LDLRAD4: variants seen among roughly 807,000 people sequenced by gnomAD.
LDLRAD4 encodes the protein low-density lipoprotein receptor class A domain-containing protein 4.
LDLRAD4 carries 5 observed loss-of-function variants against 17.0 expected under a neutral mutation model. The observed-to-expected ratio is 0.29, with a 90% confidence interval of 0.15 to 0.62. The LOEUF (loss-of-function observed/expected upper bound fraction) is 0.62. LDLRAD4 is among the 20% of genes least tolerant of loss of function. The probability of loss-of-function intolerance (pLI) is 0.84; values close to 1 mark genes in which losing one functional copy is unlikely to be tolerated. For missense variants in LDLRAD4, 340 were observed against 424.7 expected (o/e 0.80, Z 1.75); for synonymous variants, 168 against 171.8 (o/e 0.98, Z 0.17).
At chr18:13,598,856 T>G (rs796124195) in intron 3 of LDLRAD4, among the ~76,000 whole-genome samples, 6 of 152,290 alleles carry the variant, frequency 3.9e-5, no homozygotes, top group African/African-American at 1.4e-4. Context: ...CTCCTCAACT[T>G]TATGGGCAGG....
chr18:13,246,970 A>G (rs1171306755), intron 1 of LDLRAD4, among the ~76,000 whole-genome samples: 3 of 151,886 alleles, frequency 2.0e-5, no homozygotes, highest in African/African-American at 4.8e-5. Flanking sequence ...TTCCTAATAG[A>G]ACATGAGTAT....
intron 1 of LDLRAD4, among the ~76,000 whole-genome samples, chr18:13,265,119 C>G (rs187414274): frequency 6.6e-6 from 1 of 152,160 alleles, no homozygotes. Context: ...CCTTTCCTCC[C>G]GCTGTGGTCA....
At chr18:13,288,479 C>G (rs1474800520) in intron 1 of LDLRAD4, among the ~76,000 whole-genome samples, 1 of 152,178 alleles carries the variant, frequency 6.6e-6, no homozygotes, top group African/African-American at 2.4e-5. Flanking sequence ...TTGGCTATTT[C>G]AAGTTAAAAT....
At chr18:13,264,349 G>A (rs78897305) in intron 1 of LDLRAD4, among the ~76,000 whole-genome samples, 12,018 of 152,350 alleles carry the variant, frequency 0.079, 580 homozygotes, top group Non-Finnish European at 0.11. Context: ...AGGCCTTGCT[G>A]CTCTTTCCAA....
chr18:13,650,839 G>A (rs968627224), exon 6 of LDLRAD4: 4 of 152,884 alleles, frequency 2.6e-5, no homozygotes, highest in African/African-American at 9.6e-5. Flanking sequence ...AGTCTATGTA[G>A]TTTATTTTCC....
chr18:13,415,710 G>A (rs1456538180), intron 2 of LDLRAD4, among the ~76,000 whole-genome samples: 1 of 152,192 alleles, frequency 6.6e-6, no homozygotes, highest in Admixed American at 6.5e-5. Context: ...CTTGCAGTCC[G>A]CCATATCCAT....
At chr18:13,394,650 C>T (rs1434501521) in intron 2 of LDLRAD4, among the ~76,000 whole-genome samples, 2 of 152,298 alleles carry the variant, frequency 1.3e-5, no homozygotes, top group Middle Eastern at 3.4e-3. Flanking sequence ...GGTGACTGCT[C>T]ATTGCTGGGT....
At chr18:13,505,223 C>A (rs1387326156) in intron 3 of LDLRAD4, among the ~76,000 whole-genome samples, 1 of 152,240 alleles carries the variant, frequency 6.6e-6, no homozygotes, top group Non-Finnish European at 1.5e-5. Context: ...GATCTTCAGG[C>A]TAGTCCCAAT....
chr18:13,473,791 A>G (rs1026909514), intron 3 of LDLRAD4, among the ~76,000 whole-genome samples: 35 of 151,246 alleles, frequency 2.3e-4, no homozygotes, highest in African/African-American at 8.5e-4. Context: ...TCAGGCCCCA[A>G]AGTGAAGTTC....
chr18:13,545,881 G>C (rs1007649476), intron 3 of LDLRAD4, among the ~76,000 whole-genome samples: 6 of 152,214 alleles, frequency 3.9e-5, no homozygotes, highest in African/African-American at 1.4e-4. Context: ...CAACAGGTGA[G>C]AGTCAGTGGG....
chr18:13,347,099 T>G (rs1280342281), intron 1 of LDLRAD4, among the ~76,000 whole-genome samples: 1 of 152,202 alleles, frequency 6.6e-6, no homozygotes, highest in Non-Finnish European at 1.5e-5. Flanking sequence ...TATGTGTGAA[T>G]TTGATCCTGT....
At position 13,487,674 on chromosome 18, in the gene LDLRAD4, T is replaced by TAAAA. The variant is rs56237313; in HGVS notation, c.181+49291_181+49294dup. On this transcript the variant is annotated intron_variant, in intron 3 of 5. Coordinates refer to ENST00000359446, the Ensembl canonical transcript of LDLRAD4. Reference sequence around the variant, plus strand: ...CATCGGCAATTCCACACTAAATAAGTAAAACCCTTGCCTTCACAGAGATCG... The same window carrying TAAAA: ...CATCGGCAATTCCACACTAAATAAGTAAAAAAAACCCTTGCCTTCACAGAGATCG... 7.2e-3 allele frequency: 1,090 copies of TAAAA among 152,360 alleles called. 4 individuals are homozygous for TAAAA. The highest frequency in any genetic ancestry group is 0.014 in the Middle Eastern group (4 of 296). 9.4% of individuals were successfully genotyped at this position (152,360 alleles called of 1,614,324 possible).
At chr18:13,482,494 G>C (rs1006274461) in intron 3 of LDLRAD4, among the ~76,000 whole-genome samples, 1 of 152,226 alleles carries the variant, frequency 6.6e-6, no homozygotes, top group Non-Finnish European at 1.5e-5. Flanking sequence ...TTATTTACAA[G>C]CATTTGAGTA....
At chr18:13,229,926 T>C (rs951048956) in intron 1 of LDLRAD4, among the ~76,000 whole-genome samples, 2 of 152,216 alleles carry the variant, frequency 1.3e-5, no homozygotes, top group Non-Finnish European at 2.9e-5. Flanking sequence ...CTCAATGTAC[T>C]TTGGTCAATC....
chr18:13,409,680 A>G (rs755296332), intron 2 of LDLRAD4, among the ~76,000 whole-genome samples: 2 of 152,202 alleles, frequency 1.3e-5, no homozygotes, highest in African/African-American at 2.4e-5. Flanking sequence ...AGCTTGGGCC[A>G]TTCGCAAGCT....
chr18:13,316,580 C>A (rs573151466), intron 1 of LDLRAD4, among the ~76,000 whole-genome samples: 1 of 152,304 alleles, frequency 6.6e-6, no homozygotes, highest in Non-Finnish European at 1.5e-5. Flanking sequence ...CTACCTGTCA[C>A]CAGCAAGTCA....
chr18:13,348,931 T>A (rs2082873399), intron 1 of LDLRAD4, among the ~76,000 whole-genome samples: 1 of 152,200 alleles, frequency 6.6e-6, no homozygotes, highest in African/African-American at 2.4e-5. Context: ...AAGCGCAGCA[T>A]TAGGGTGGGA....
At chr18:13,640,250 G>A (rs376286637) in intron 4 of LDLRAD4, among the ~76,000 whole-genome samples, 2 of 127,172 alleles carry the variant, frequency 1.6e-5, no homozygotes, top group African/African-American at 3.1e-5. Context: ...CCGAGATCCC[G>A]CCCCTGCACT....
chr18:13,373,673 A>G (rs1171008520), intron 1 of LDLRAD4, among the ~76,000 whole-genome samples: 1 of 152,240 alleles, frequency 6.6e-6, no homozygotes, highest in Non-Finnish European at 1.5e-5. Context: ...TTTTATATTT[A>G]AGCAAAATGG....
Sources: gnomAD v4.1 joint callset for allele counts (sites outside exome capture counted in the v4.1 genomes callset) on GRCh38, gnomAD v4.1.1 for gene constraint, MANE v1.5 for transcripts, NCBI Gene and HGNC (gene_info 2026-07-23, HGNC 2026-07-21) for gene names.